Variants in PTK7 observed in about 807,000 individuals in gnomAD.
The protein encoded by PTK7 is protein tyrosine kinase 7 (inactive).
In PTK7, 39 loss-of-function variants were observed where a neutral mutation model predicts 116.6. That is an observed-to-expected ratio of 0.33 (90% CI 0.26 to 0.44). The LOEUF (loss-of-function observed/expected upper bound fraction) is 0.44, where lower values mean the gene tolerates loss of function less well. Among genes scored for constraint, PTK7 ranks in the 20% least tolerant of loss-of-function variants. PTK7 has a pLI of 1.00. For missense variants in PTK7, 1,169 were observed against 1,425.6 expected, an observed-to-expected ratio of 0.82 and a Z score of 2.90; for synonymous variants, 546 against 563.6, an observed-to-expected ratio of 0.97 and a Z score of 0.44.
In PTK7 at chr6:43,088,384, G is replaced by T. The variant is rs1190692433; in HGVS notation, c.79+11817G>T. On this transcript the variant is annotated intron_variant, in intron 1 of 19. Transcript: ENST00000230419. ...ACTTAGAGTCCTTGTATGTCCAGGT[G>T]TTACTGTGCTATGATATGCTGCACA... Among the ~76,000 whole-genome samples, 8 of 151,970 alleles carry T rather than the reference G, an allele frequency of 5.3e-5. No homozygotes were observed. In the East Asian group the frequency reaches 1.6e-3, roughly 29 times the overall value.
intron 17 of PTK7, among the ~76,000 whole-genome samples, chr6:43,155,590 A>G (rs1461108814): frequency 6.6e-6 from 1 of 151,820 alleles, no homozygotes; most frequent in Non-Finnish European, 1.5e-5. Context: ...TGGAGGTTGC[A>G]GTGAGCCGAG....
In PTK7 at chr6:43,160,780, C is replaced by G. The variant is rs755193903; in HGVS notation, c.3112C>G (p.Arg1038Gly). The change falls in exon 20 of 20, where the codon CGG becomes GGG. Residue 1038 changes from arginine to glycine, a missense_variant. Arg to Gly is a moderately radical substitution (Grantham distance 125). Around this residue, in one of 3 missense-constraint regions of PTK7, gnomAD observed 678 missense variants for 853.8 expected, o/e 0.79. Transcript: ENST00000230419. Reference protein sequence around the residue: ...QPEGCPSKLYRLMQRCWALSP... With the variant: ...QPEGCPSKLYGLMQRCWALSP... ...CGAGGGCTGCCCTTCCAAACTCTATCGGCTGATGCAGCGCTGCTGGGCCCT... is the reference window on the plus strand; with the variant it reads ...CGAGGGCTGCCCTTCCAAACTCTATGGGCTGATGCAGCGCTGCTGGGCCCT... 1.2e-6 allele frequency: 2 copies of G among 1,614,086 alleles called. No homozygotes were observed. Among genetic ancestry groups the G allele is most frequent in the Non-Finnish European group, 1.7e-6 (2 of 1,180,038 alleles).
chr6:43,154,440 CA>C (rs1219271044), intron 17 of PTK7, among the ~76,000 whole-genome samples: 27 of 152,048 alleles, frequency 1.8e-4, no homozygotes, highest in Non-Finnish European at 2.9e-5. Context: ...TTTGACTGGG[CA>C]AAAAGTACAG....
chr6:43,129,546 AG>A lies in PTK7; in HGVS notation c.368-178del. The A allele has an allele frequency of 1.5e-6, 1 of 678,844 alleles. No individual in the cohort carries two copies. The allele number at this position is 678,844 out of a possible 1,614,324, so 42.1% of individuals were successfully genotyped here. On this transcript the variant is annotated intron_variant, in intron 2 of 19. Transcript: ENST00000230419. This position sits in a 1 kb window ranked among gnomAD's most constrained non-coding sequence, Gnocchi z 4.5. ...GGCCAAGTGTCAGACTTGACCTGCCAGGGACCAGGCAGGCACTTAGTATCTG... is the reference window on the plus strand; with the variant it reads ...GGCCAAGTGTCAGACTTGACCTGCCAGGACCAGGCAGGCACTTAGTATCTG...
intron 1 of PTK7, among the ~76,000 whole-genome samples, chr6:43,099,996 T>A (rs189300907): frequency 7.9e-4 from 120 of 152,304 alleles, no homozygotes; most frequent in Non-Finnish European, 1.1e-3. Flanking sequence ...TACAGGCATG[T>A]GCCACCACGC....
intron 1 of PTK7, among the ~76,000 whole-genome samples, chr6:43,108,130 T>C (rs976115975): frequency 2.0e-5 from 3 of 151,292 alleles, no homozygotes; most frequent in African/African-American, 7.3e-5. Context: ...GTCTCGCCCT[T>C]GTTGCCCAGG....
chr6:43,159,045 G>T (rs1487217134), intron 18 of PTK7, 77 bp downstream of exon 18: 5 of 1,568,666 alleles, frequency 3.2e-6, no homozygotes, highest in East Asian at 4.5e-5. Flanking sequence ...TAGTTTGGGG[G>T]GTGTGGGAAA....
At chr6:43,137,779 T>C (rs1433158853) in intron 7 of PTK7, among the ~76,000 whole-genome samples, 2 of 152,174 alleles carry the variant, frequency 1.3e-5, no homozygotes, top group Non-Finnish European at 2.9e-5. Context: ...TCACCATTAC[T>C]TCTTCTTTTT....
chr6:43,157,364 A>ATATATATATTTTTTTT (rs70990168), intron 17 of PTK7, among the ~76,000 whole-genome samples: 13 of 54,348 alleles, frequency 2.4e-4, no homozygotes, highest in Non-Finnish European at 3.3e-4. Flanking sequence ...ATATATATAT[A>ATATATATATTTTTTTT]TTTTTTTTTT....
At chr6:43,096,373 T>C (rs1031501188) in intron 1 of PTK7, among the ~76,000 whole-genome samples, 6 of 150,602 alleles carry the variant, frequency 4.0e-5, no homozygotes. Flanking sequence ...TCCTTGCAGT[T>C]GGTGAAGGAG....
At chr6:43,120,434 G>C (rs1768889211) in intron 1 of PTK7, among the ~76,000 whole-genome samples, 1 of 152,208 alleles carries the variant, frequency 6.6e-6, no homozygotes, top group Admixed American at 6.5e-5. Flanking sequence ...AGATGGCAGA[G>C]GCAGGTCTCC....
intron 1 of PTK7, among the ~76,000 whole-genome samples, chr6:43,112,837 T>C (rs1768268392): frequency 6.6e-6 from 1 of 152,154 alleles, no homozygotes; most frequent in Non-Finnish European, 1.5e-5. Flanking sequence ...GAGCCTTTTT[T>C]TCTTTTTAAG....
chr6:43,088,951 G>A (rs144990746), intron 1 of PTK7, among the ~76,000 whole-genome samples: 285 of 152,182 alleles, frequency 1.9e-3, no homozygotes, highest in African/African-American at 6.1e-3. Flanking sequence ...TGGAGACCAC[G>A]TAGGAGGTAA....
At position 43,143,395 on chromosome 6, in the gene PTK7, G is replaced by T. The variant is rs1413175086; in HGVS notation, c.2048-22G>T. The T allele has an allele frequency of 1.2e-6, 2 of 1,611,636 alleles. No individual in the cohort carries two copies. Among genetic ancestry groups the T allele is most frequent in the South Asian group, 1.1e-5 (1 of 91,004 alleles). On this transcript the variant is annotated intron_variant, in intron 13 of 19. Coordinates refer to ENST00000230419, the MANE Select transcript of PTK7 (RefSeq NM_002821.5). The surrounding 1 kb of genome is among the most constrained non-coding windows in gnomAD (Gnocchi z 4.2). The stretch of plus-strand genomic sequence containing the variant: ...TCTTTTGCTTAGCAGCCCCTGCCCA[G>T]ACCCATCTGTGTGTCTCTCAGACAA...
intron 1 of PTK7, among the ~76,000 whole-genome samples, chr6:43,122,954 A>G (rs915756931): frequency 6.6e-6 from 1 of 151,996 alleles, no homozygotes; most frequent in Non-Finnish European, 1.5e-5. Context: ...TGTCAGACAC[A>G]TATGTGTGGC....
chr6:43,102,292 G>A (rs9472008), intron 1 of PTK7, among the ~76,000 whole-genome samples: 16,409 of 152,166 alleles, frequency 0.11, 1,406 homozygotes, highest in East Asian at 0.32. Flanking sequence ...GGGCATGGTG[G>A]CGGGCGCCTG....
At chr6:43,091,638 ATCTGTGGTTTCATTT>A (rs1227751711) in intron 1 of PTK7, among the ~76,000 whole-genome samples, 1 of 152,168 alleles carries the variant, frequency 6.6e-6, no homozygotes, top group East Asian at 1.9e-4. Context: ...GTCACCCCTT[ATCTGTGGTTTCATTT>A]TCTGTGGTTT....
intron 1 of PTK7, among the ~76,000 whole-genome samples, chr6:43,112,152 C>T (rs1221237516): frequency 6.6e-6 from 1 of 152,178 alleles, no homozygotes; most frequent in Non-Finnish European, 1.5e-5. Flanking sequence ...ATGCCAGCAC[C>T]TTACAGTTAC....
At chr6:43,116,155 C>A (rs1423114686) in intron 1 of PTK7, among the ~76,000 whole-genome samples, 1 of 152,012 alleles carries the variant, frequency 6.6e-6, no homozygotes, top group Non-Finnish European at 1.5e-5. Flanking sequence ...CCTTGTAAGA[C>A]CCCTCCCCAG....
Sources: gnomAD v4.1 joint callset for allele counts (sites outside exome capture counted in the v4.1 genomes callset) on GRCh38, gnomAD v4.1.1 for gene constraint, gnomAD v4.1.1 regional missense constraint, Gnocchi (gnomAD v3.1) non-coding constraint, MANE v1.5 for transcripts, NCBI Gene and HGNC (gene_info 2026-07-23, HGNC 2026-07-21) for gene names.